Variants in ULK4 observed in about 807,000 individuals in gnomAD.
ULK4 encodes the protein unc-51 like kinase 4, also known as inactive serine/threonine-protein kinase ULK4.
In ULK4, 133 loss-of-function variants were observed where a neutral mutation model predicts 160.6. The ratio of observed to expected loss-of-function variants is 0.83; its 90% CI spans 0.72 to 0.96. The LOEUF is 0.96. Among genes scored for constraint, ULK4 ranks in the 40% least tolerant of loss-of-function variants. The probability of loss-of-function intolerance (pLI) is 0.00; values close to 1 mark genes in which losing one functional copy is unlikely to be tolerated. For missense variants in ULK4, 1,580 were observed against 1,499.5 expected, an observed-to-expected ratio of 1.05 and a Z score of -0.89; for synonymous variants, 534 against 539.8, an observed-to-expected ratio of 0.99 and a Z score of 0.15.
chr3:41,478,734 C>T (rs2084218222), intron 32 of ULK4, among the ~76,000 whole-genome samples: 1 of 152,206 alleles, frequency 6.6e-6, no homozygotes, highest in Non-Finnish European at 1.5e-5. Flanking sequence ...ATTTTGACTA[C>T]TCATAGCTCA....
At chr3:41,534,248 G>A (rs781022308) in intron 32 of ULK4, among the ~76,000 whole-genome samples, 36 of 152,278 alleles carry the variant, frequency 2.4e-4, no homozygotes, top group Non-Finnish European at 4.6e-4. Flanking sequence ...ATAAACCAAT[G>A]GAGACAAATA....
At chr3:41,568,116 T>A (rs1296054469) in intron 31 of ULK4, among the ~76,000 whole-genome samples, 1 of 152,236 alleles carries the variant, frequency 6.6e-6, no homozygotes, top group African/African-American at 2.4e-5. Flanking sequence ...GTGCCAACTA[T>A]TCCAGGTAGT....
chr3:41,830,415 T>C lies in ULK4; in HGVS notation c.1764+5449A>G, dbSNP rs975105698. Among the ~76,000 whole-genome samples the C allele has an allele frequency of 2.0e-5, 3 of 151,960 alleles. No homozygotes were observed. The East Asian group carries it at 5.8e-4, about 29-fold the overall frequency. ...TCTAGAAAACGAAAACAAGTCTATATAAAGAAAGCAAATCAGTGGTAGTAT... is the reference window on the plus strand; with the variant it reads ...TCTAGAAAACGAAAACAAGTCTATACAAAGAAAGCAAATCAGTGGTAGTAT... On this transcript the variant is annotated intron_variant, in intron 18 of 36. Coordinates refer to ENST00000301831, the MANE Select transcript of ULK4 (RefSeq NM_017886.4).
chr3:41,328,696 A>G (rs910948666), intron 35 of ULK4, among the ~76,000 whole-genome samples: 2 of 152,126 alleles, frequency 1.3e-5, no homozygotes, highest in African/African-American at 4.8e-5. Flanking sequence ...GTTTAAATAG[A>G]AAGTGGACAA....
chr3:41,433,206 A>G (rs1397677532), intron 34 of ULK4, among the ~76,000 whole-genome samples: 4 of 152,224 alleles, frequency 2.6e-5, no homozygotes, highest in African/African-American at 9.6e-5. Flanking sequence ...ATAATTGTGT[A>G]AAAAGACACA....
intron 35 of ULK4, among the ~76,000 whole-genome samples, chr3:41,322,231 C>T (rs2080260691): frequency 6.9e-6 from 1 of 144,942 alleles, no homozygotes; most frequent in Admixed American, 7.0e-5. Context: ...GGGGTTTCAC[C>T]CTGTTGGCCA....
intron 5 of ULK4, among the ~76,000 whole-genome samples, chr3:41,928,109 A>G (rs1699448920): frequency 6.6e-6 from 1 of 152,288 alleles, no homozygotes; most frequent in African/African-American, 2.4e-5. Flanking sequence ...TGGAAGTAAA[A>G]CACTCCTCAG....
intron 35 of ULK4, among the ~76,000 whole-genome samples, chr3:41,330,576 A>C (rs2080422169): frequency 6.6e-6 from 1 of 152,186 alleles, no homozygotes; most frequent in African/African-American, 2.4e-5. Flanking sequence ...GTGAGGGGTG[A>C]CTGGTTAGTC....
intron 32 of ULK4, among the ~76,000 whole-genome samples, chr3:41,491,779 G>A (rs1231188230): frequency 1.6e-5 from 2 of 124,054 alleles, no homozygotes; most frequent in African/African-American, 3.1e-5. Flanking sequence ...TGTGCACAAT[G>A]TGCAGGTTAG....
At chr3:41,266,833 T>G (rs1349128722) in intron 35 of ULK4, among the ~76,000 whole-genome samples, 1 of 152,124 alleles carries the variant, frequency 6.6e-6, no homozygotes, top group Admixed American at 6.5e-5. Flanking sequence ...AAGTGCTTCA[T>G]CCAAACAGCC....
intron 35 of ULK4, among the ~76,000 whole-genome samples, chr3:41,300,840 TATATA>T (rs2079776073): frequency 9.0e-5 from 2 of 22,212 alleles, no homozygotes; most frequent in African/African-American, 3.0e-4. Flanking sequence ...TTACAGATTA[TATATA>T]TATATATATA....
At chr3:41,471,630 T>C (rs769588598) in intron 32 of ULK4, among the ~76,000 whole-genome samples, 2 of 152,010 alleles carry the variant, frequency 1.3e-5, no homozygotes, top group African/African-American at 4.8e-5. Flanking sequence ...ATTCACAAAT[T>C]TAAGAAGACT....
At chr3:41,488,170 T>A (rs1001657683) in intron 32 of ULK4, among the ~76,000 whole-genome samples, 3 of 152,258 alleles carry the variant, frequency 2.0e-5, no homozygotes, top group Admixed American at 6.5e-5. Context: ...AATGCAAGTT[T>A]AGTTTCTAGC....
chr3:41,562,924 G>T (rs2087646893), intron 32 of ULK4, among the ~76,000 whole-genome samples: 2 of 152,160 alleles, frequency 1.3e-5, no homozygotes, highest in South Asian at 4.1e-4. Context: ...TGGTTATTTT[G>T]CTCGTTAATT....
intron 34 of ULK4, among the ~76,000 whole-genome samples, chr3:41,403,521 AT>A (rs1179726448): frequency 6.6e-6 from 1 of 150,970 alleles, no homozygotes; most frequent in Admixed American, 6.6e-5. Flanking sequence ...AATTGTACTG[AT>A]TTTTTTTCAG....
intron 34 of ULK4, among the ~76,000 whole-genome samples, chr3:41,442,624 G>A (rs2083200357): frequency 6.6e-6 from 1 of 151,974 alleles, no homozygotes; most frequent in Admixed American, 6.6e-5. Flanking sequence ...TAGAGACAGA[G>A]TCTCTGTCAC....
At chr3:41,948,289 A>G (rs572758632) in intron 2 of ULK4, among the ~76,000 whole-genome samples, 1 of 152,212 alleles carries the variant, frequency 6.6e-6, no homozygotes, top group South Asian at 2.1e-4. Flanking sequence ...CATCTCTACT[A>G]AAAATACAAA....
chr3:41,484,703 T>C lies in ULK4; in HGVS notation c.3227-21450A>G, dbSNP rs573128128. The stretch of plus-strand genomic sequence containing the variant: ...TCCTGACCTTATGATCCGCCCACCT[T>C]GGCCTCCCAAAGTGCTGGGATTACA... On this transcript the variant is annotated intron_variant, in intron 32 of 36. Coordinates refer to ENST00000301831, the MANE Select transcript of ULK4 (RefSeq NM_017886.4). Among the ~76,000 whole-genome samples, 678 of 152,130 alleles carry C rather than the reference T, an allele frequency of 4.5e-3. 2 individuals carry two copies. Among genetic ancestry groups the C allele is most frequent in the African/African-American group, 0.013 (550 of 41,486 alleles).
chr3:41,744,594 C>G (rs1482465625), intron 22 of ULK4, among the ~76,000 whole-genome samples: 2 of 151,930 alleles, frequency 1.3e-5, no homozygotes, highest in East Asian at 3.9e-4. Context: ...AAAAGAGAAA[C>G]AGATAAAGCC....
Sources: allele counts gnomAD v4.1 joint callset (sites outside exome capture counted in the v4.1 genomes callset), GRCh38; gene constraint gnomAD v4.1.1; transcripts MANE v1.5; gene names NCBI Gene and HGNC (gene_info 2026-07-23, HGNC 2026-07-21).